Variants in BLTP3B observed in about 807,000 individuals in gnomAD.
BLTP3B encodes the protein UHRF1 (ICBP90) binding protein 1-like.
the BLTP3B span, chr12:100,047,396 GT>G: frequency 1.7e-6 from 1 of 594,180 alleles, no homozygotes; most frequent in Admixed American, 2.9e-5. Flanking sequence ...TACTCGGGAG[GT>G]TTAGGTAGGA....
chr12:100,128,554 A>C, the BLTP3B span: 1 of 1,183,816 alleles, frequency 8.4e-7, no homozygotes, highest in Non-Finnish European at 1.1e-6. Flanking sequence ...AAAAAAAAAA[A>C]AAAGCATGGG....
At chr12:100,087,162 A>G in the BLTP3B span, among the ~76,000 whole-genome samples, 2 of 147,532 alleles carry the variant, frequency 1.4e-5, no homozygotes, top group Non-Finnish European at 3.0e-5. Context: ...CCATCTCAAA[A>G]AAAAAAAAAA....
At chr12:100,074,077 A>C in the BLTP3B span, among the ~76,000 whole-genome samples, 3 of 152,270 alleles carry the variant, frequency 2.0e-5, no homozygotes, top group South Asian at 2.1e-4. Context: ...AAGTCAAATT[A>C]TTTCTCTTCG....
At chr12:100,128,336 T>C in the BLTP3B span, among the ~76,000 whole-genome samples, 1 of 152,100 alleles carries the variant, frequency 6.6e-6, no homozygotes, top group Non-Finnish European at 1.5e-5. Flanking sequence ...TTTAAGTATG[T>C]TGCCAAACCT....
At chr12:100,129,452 G>A in the BLTP3B span, among the ~76,000 whole-genome samples, 1 of 152,158 alleles carries the variant, frequency 6.6e-6, no homozygotes, top group African/African-American at 2.4e-5. Context: ...CAACTACTAT[G>A]TACTGCAGTC....
the BLTP3B span, among the ~76,000 whole-genome samples, chr12:100,121,656 C>A: frequency 2.0e-5 from 3 of 152,012 alleles, no homozygotes; most frequent in Admixed American, 2.0e-4. Flanking sequence ...CATGGTGAAA[C>A]CCTGTCTCTA....
At chr12:100,059,534 C>T in the BLTP3B span, 2 of 1,572,128 alleles carry the variant, frequency 1.3e-6, no homozygotes, top group Non-Finnish European at 1.7e-6. Flanking sequence ...GAATGACAAA[C>T]TAGAAGAGAA....
chr12:100,118,403 A>C, the BLTP3B span, among the ~76,000 whole-genome samples: 1 of 152,096 alleles, frequency 6.6e-6, no homozygotes, highest in Non-Finnish European at 1.5e-5. Context: ...ACAAAACAAA[A>C]CAAAACAAAA....
chr12:100,098,639 T>C, the BLTP3B span: 3 of 1,300,736 alleles, frequency 2.3e-6, no homozygotes, highest in Non-Finnish European at 3.1e-6. Context: ...TGGTGGCTCA[T>C]ACCTGTACTC....
the BLTP3B span, chr12:100,072,783 G>A: frequency 6.2e-7 from 1 of 1,601,820 alleles, no homozygotes; most frequent in Non-Finnish European, 8.5e-7. Flanking sequence ...ATGCTTTTGG[G>A]GGAAGAACGA....
chr12:100,056,833 AAAAG>A, the BLTP3B span, among the ~76,000 whole-genome samples: 15 of 151,956 alleles, frequency 9.9e-5, no homozygotes, highest in South Asian at 4.1e-4. Flanking sequence ...TGAAAAAAAA[AAAAG>A]AAAGAAAGAA....
the BLTP3B span, chr12:100,059,842 TATG>T: frequency 1.2e-6 from 2 of 1,603,618 alleles, no homozygotes; most frequent in Non-Finnish European, 1.7e-6. Flanking sequence ...TACTTGTTTG[TATG>T]ATACCTTTAG....
At chr12:100,086,633 T>C in the BLTP3B span, among the ~76,000 whole-genome samples, 1 of 152,204 alleles carries the variant, frequency 6.6e-6, no homozygotes, top group Non-Finnish European at 1.5e-5. Context: ...ACAACTTTTA[T>C]ATTGACAAGG....
chr12:100,120,355 A>C, the BLTP3B span, among the ~76,000 whole-genome samples: 1 of 152,202 alleles, frequency 6.6e-6, no homozygotes, highest in Non-Finnish European at 1.5e-5. Flanking sequence ...CCTGGGTGAC[A>C]GAGCAAGATT....
At chr12:100,122,600 T>C in the BLTP3B span, among the ~76,000 whole-genome samples, 2 of 152,226 alleles carry the variant, frequency 1.3e-5, no homozygotes, top group African/African-American at 4.8e-5. Flanking sequence ...ATTTTCTTTT[T>C]TCATAAATTC....
the BLTP3B span, among the ~76,000 whole-genome samples, chr12:100,123,249 T>C: frequency 6.6e-6 from 1 of 152,106 alleles, no homozygotes; most frequent in Non-Finnish European, 1.5e-5. Flanking sequence ...TTGGGATGTA[T>C]GAGAGAACAG....
chr12:100,083,167 G>T, the BLTP3B span: 1 of 1,505,422 alleles, frequency 6.6e-7, no homozygotes. Flanking sequence ...TCAATTCATT[G>T]CAAAATTATT....
the BLTP3B span, chr12:100,051,360 A>C: frequency 1.5e-6 from 1 of 647,418 alleles, no homozygotes. Context: ...GGACCAAGAA[A>C]AATTAGATTG....
chr12:100,047,681 T>C, the BLTP3B span: 1 of 1,406,954 alleles, frequency 7.1e-7, no homozygotes. Context: ...CTTCATTCGG[T>C]CATATTTTTA....
Sources: gnomAD v4.1 joint callset for allele counts (sites outside exome capture counted in the v4.1 genomes callset) on GRCh38, gnomAD v4.1.1 for gene constraint, MANE v1.5 for transcripts, NCBI Gene and HGNC (gene_info 2026-07-23, HGNC 2026-07-21) for gene names.